PIGL: variants seen among roughly 807,000 people sequenced by gnomAD.
PIGL encodes the protein N-acetylglucosaminyl-phosphatidylinositol de-N-acetylase.
A neutral mutation model predicts 31.1 loss-of-function variants in PIGL; 22 were observed. That is an observed-to-expected ratio of 0.71 (90% CI 0.51 to 1.01). The LOEUF (loss-of-function observed/expected upper bound fraction) is 1.01, where lower values mean the gene tolerates loss of function less well. PIGL is among the 50% of genes least tolerant of loss of function. PIGL has a pLI of 0.00. For synonymous variants in PIGL, 131 were observed against 117.4 expected, an observed-to-expected ratio of 1.12 and a Z score of -0.75; for missense variants, 302 against 315.9, an observed-to-expected ratio of 0.96 and a Z score of 0.33.
At chr17:16,231,155 C>T (rs1385831716) in intron 1 of PIGL, among the ~76,000 whole-genome samples, 5 of 148,846 alleles carry the variant, frequency 3.4e-5, no homozygotes, top group African/African-American at 1.2e-4. Flanking sequence ...ACAGTGTGCC[C>T]GCCTTCCAAA....
intron 3 of PIGL, among the ~76,000 whole-genome samples, chr17:16,306,239 G>A (rs568637132): frequency 1.3e-5 from 2 of 152,090 alleles, no homozygotes; most frequent in East Asian, 1.9e-4. Context: ...GTGAGCCACC[G>A]CGCCCAGCCT....
intron 2 of PIGL, among the ~76,000 whole-genome samples, chr17:16,254,457 G>T (rs755949314): frequency 2.6e-5 from 4 of 151,838 alleles, no homozygotes; most frequent in Non-Finnish European, 5.9e-5. Flanking sequence ...TAGTAGAGAT[G>T]AGGTTTCTCC....
intron 2 of PIGL, among the ~76,000 whole-genome samples, chr17:16,248,550 A>T (rs2092758145): frequency 6.6e-6 from 1 of 152,108 alleles, no homozygotes; most frequent in Non-Finnish European, 1.5e-5. Flanking sequence ...CATTCTGTTC[A>T]TGATTGTTTA....
intron 2 of PIGL, among the ~76,000 whole-genome samples, chr17:16,276,685 C>T (rs2092897183): frequency 1.3e-5 from 2 of 152,170 alleles, no homozygotes; most frequent in African/African-American, 4.8e-5. Flanking sequence ...TGCAGTAAGG[C>T]ACAATTGTGC....
At position 16,299,903 on chromosome 17, in the gene PIGL, C is replaced by T; in HGVS notation, c.351C>T (p.Asp117=). 2 of 1,613,418 alleles carry T rather than the reference C, an allele frequency of 1.2e-6. No individual in the cohort carries two copies. Among genetic ancestry groups the T allele is most frequent in the Non-Finnish European group, 1.7e-6 (2 of 1,179,346 alleles). The part of the protein sequence containing the change: ...MIIDNRDFPD[D]PGMQWDTEHV... ...TCTCTTGTAGGGATTTCCCAGATGA[C>T]CCAGGCATGCAGTGGGACACAGAGC... The change falls in exon 3 of 7, where the codon GAC becomes GAT. Residue 117 remains aspartate (D), a synonymous_variant. Transcript: ENST00000225609.
chr17:16,245,147 C>A (rs1306048284), intron 2 of PIGL, among the ~76,000 whole-genome samples: 1 of 152,222 alleles, frequency 6.6e-6, no homozygotes, highest in East Asian at 1.9e-4. Flanking sequence ...TGCCCACCAC[C>A]ACGCCCAGCT....
At chr17:16,228,624 G>C (rs1334313877) in intron 1 of PIGL, among the ~76,000 whole-genome samples, 1 of 151,516 alleles carries the variant, frequency 6.6e-6, no homozygotes, top group Non-Finnish European at 1.5e-5. Flanking sequence ...TCCTGACCTC[G>C]TGATCCGCCC....
chr17:16,234,307 A>G (rs1424751877), intron 2 of PIGL, among the ~76,000 whole-genome samples: 2 of 151,614 alleles, frequency 1.3e-5, no homozygotes, highest in Admixed American at 6.6e-5. Flanking sequence ...CTAAAAATAC[A>G]AAAATTAGCT....
At position 16,221,559 on chromosome 17, in the gene PIGL, C is replaced by T. The variant is rs193280549; in HGVS notation, c.235+4098C>T. 3.5e-4 allele frequency among the ~76,000 whole-genome samples: 53 copies of T among 152,086 alleles called. No individual in the cohort carries two copies. The East Asian group carries it at 5.4e-3, about 16-fold the overall frequency. ...CTGCCTCCTGGATTCAAGCAATTCT[C>T]CTGCCTCAGCCTCCCAAGTAGCTGG... On this transcript the variant is annotated intron_variant, in intron 1 of 6. Transcript: ENST00000225609.
intron 2 of PIGL, among the ~76,000 whole-genome samples, chr17:16,256,405 T>C (rs1307221784): frequency 6.6e-6 from 1 of 152,170 alleles, no homozygotes; most frequent in East Asian, 1.9e-4. Flanking sequence ...TGGCATGATC[T>C]CGGCTCACTG....
At chr17:16,323,807 T>A (rs2093116150) in intron 6 of PIGL, among the ~76,000 whole-genome samples, 1 of 149,820 alleles carries the variant, frequency 6.7e-6, no homozygotes, top group Admixed American at 6.7e-5. Context: ...TCAGTAGAGA[T>A]GGGGTTTCAC....
chr17:16,280,830 G>T (rs2092913855), intron 2 of PIGL, among the ~76,000 whole-genome samples: 1 of 152,130 alleles, frequency 6.6e-6, no homozygotes. Context: ...TCAGCCTCCT[G>T]AGTAGCTGGG....
At chr17:16,275,973 G>A (rs1371614530) in intron 2 of PIGL, among the ~76,000 whole-genome samples, 3 of 152,216 alleles carry the variant, frequency 2.0e-5, no homozygotes, top group East Asian at 1.9e-4. Context: ...GCAGTGAGCC[G>A]AGATCAGGCC....
intron 3 of PIGL, among the ~76,000 whole-genome samples, chr17:16,311,125 G>T (rs2093047513): frequency 6.6e-6 from 1 of 152,042 alleles, no homozygotes; most frequent in African/African-American, 2.4e-5. Context: ...CCAGTTCCAG[G>T]TTCCTTCATC....
chr17:16,286,815 C>T lies in PIGL; in HGVS notation c.336-13073C>T, dbSNP rs959250931. Among the ~76,000 whole-genome samples the T allele has an allele frequency of 2.6e-5, 4 of 152,258 alleles. No homozygotes were observed. In the South Asian group the frequency reaches 8.3e-4, roughly 32 times the overall value. Reference sequence around the variant, plus strand: ...ATGCCATCATGTTAATGAGGTGCCTCATGTGCTTCAATAGCCACTGACTGA... The same window carrying T: ...ATGCCATCATGTTAATGAGGTGCCTTATGTGCTTCAATAGCCACTGACTGA... On this transcript the variant is annotated intron_variant, in intron 2 of 6. Transcript: ENST00000225609.
At chr17:16,313,240 G>A (rs1186890066) in intron 3 of PIGL, among the ~76,000 whole-genome samples, 1 of 152,158 alleles carries the variant, frequency 6.6e-6, no homozygotes, top group Non-Finnish European at 1.5e-5. Context: ...TTCTAAATGT[G>A]CTAATAAATG....
chr17:16,267,640 GGCTA>G (rs2092850429), intron 2 of PIGL, among the ~76,000 whole-genome samples: 2 of 151,082 alleles, frequency 1.3e-5, no homozygotes, highest in Non-Finnish European at 2.9e-5. Context: ...GACTGCAGTG[GGCTA>G]TGATGGTGTC....
At chr17:16,222,778 G>A (rs921139384) in intron 1 of PIGL, among the ~76,000 whole-genome samples, 1 of 151,536 alleles carries the variant, frequency 6.6e-6, no homozygotes, top group Non-Finnish European at 1.5e-5. Flanking sequence ...TTGGGAGGCC[G>A]AGACAGGTGC....
At chr17:16,269,396 C>T (rs924555815) in intron 2 of PIGL, among the ~76,000 whole-genome samples, 8 of 151,998 alleles carry the variant, frequency 5.3e-5, no homozygotes, top group Non-Finnish European at 1.2e-4. Context: ...GCCTGCAATC[C>T]CAGCACTTTG....
Sources: gnomAD v4.1 joint callset for allele counts (sites outside exome capture counted in the v4.1 genomes callset) on GRCh38, gnomAD v4.1.1 for gene constraint, MANE v1.5 for transcripts, NCBI Gene and HGNC (gene_info 2026-07-23, HGNC 2026-07-21) for gene names.